Variants in EVA1C observed in about 807,000 individuals in gnomAD.
EVA1C encodes the protein eva-1 homolog C.
A neutral mutation model predicts 45.4 loss-of-function variants in EVA1C; 25 were observed. The ratio of observed to expected loss-of-function variants is 0.55; its 90% CI spans 0.40 to 0.77. The LOEUF (loss-of-function observed/expected upper bound fraction) is 0.77. Ranked by LOEUF, EVA1C falls within the 30% of genes least tolerant of loss-of-function variation. The probability of loss-of-function intolerance (pLI) is 0.00; values close to 1 mark genes in which losing one functional copy is unlikely to be tolerated. For synonymous variants in EVA1C, 190 were observed against 221.2 expected, an observed-to-expected ratio of 0.86 and a Z score of 1.25; for missense variants, 479 against 554.8, an observed-to-expected ratio of 0.86 and a Z score of 1.37.
chr21:32,453,128 C>A, intron 1 of EVA1C, 184 bp from the exon 2 acceptor site: 1 of 511,990 alleles, frequency 2.0e-6, no homozygotes, highest in Admixed American at 3.2e-5. Context: ...CTGACATTGG[C>A]TCCTGTGCCC....
intron 1 of EVA1C, among the ~76,000 whole-genome samples, chr21:32,437,414 T>A (rs1361269631): frequency 1.3e-5 from 2 of 152,046 alleles, no homozygotes; most frequent in African/African-American, 4.8e-5. Flanking sequence ...TCTTCAAGGG[T>A]CTCTCCAGTC....
intron 7 of EVA1C, among the ~76,000 whole-genome samples, chr21:32,509,475 AAGG>A (rs1481674259): frequency 6.6e-6 from 1 of 152,194 alleles, no homozygotes; most frequent in Non-Finnish European, 1.5e-5. Context: ...GAGGGAAAAA[AAGG>A]GAGCTGATTT....
chr21:32,498,947 CG>C (rs2037441547), intron 5 of EVA1C, among the ~76,000 whole-genome samples: 1 of 152,144 alleles, frequency 6.6e-6, no homozygotes, highest in African/African-American at 2.4e-5. Context: ...GTGTTGACAA[CG>C]GTGATTTTAA....
chr21:32,448,936 GAGAA>G (rs1201875266), intron 1 of EVA1C, among the ~76,000 whole-genome samples: 2 of 103,032 alleles, frequency 1.9e-5, no homozygotes, highest in East Asian at 3.1e-4. Flanking sequence ...AAGAAAGAGA[GAGAA>G]AGAGAGAAAG....
chr21:32,466,530 G>T (rs2036182559), intron 3 of EVA1C, among the ~76,000 whole-genome samples: 1 of 150,862 alleles, frequency 6.6e-6, no homozygotes, highest in Non-Finnish European at 1.5e-5. Context: ...AACAGTGCAC[G>T]CATAATGCCA....
intron 3 of EVA1C, among the ~76,000 whole-genome samples, chr21:32,461,568 G>A (rs1366590941): frequency 1.3e-5 from 2 of 152,194 alleles, no homozygotes; most frequent in African/African-American, 4.8e-5. Flanking sequence ...CTGCACTGCT[G>A]CACCCTGTGG....
chr21:32,473,729 G>A (rs768072960), intron 4 of EVA1C, among the ~76,000 whole-genome samples: 16 of 152,172 alleles, frequency 1.1e-4, no homozygotes, highest in Admixed American at 5.9e-4. Context: ...ACAGGGTCTC[G>A]CTCTGTCATC....
In EVA1C at chr21:32,440,008, GTGGGCAGAGT is replaced by G. The variant is rs201688702; in HGVS notation, c.161-13301_161-13292del. ...CTTGATCATCCTACACATCCTCAAA[GTGGGCAGAGT>G]TGAAAGGCTGTCTAAGCGGGTGGGA... On this transcript the variant is annotated intron_variant, in intron 1 of 7. Transcript: ENST00000300255. Among the ~76,000 whole-genome samples, 209 of 152,216 alleles carry G rather than the reference GTGGGCAGAGT, an allele frequency of 1.4e-3. 5 individuals carry two copies. In the East Asian group the frequency reaches 0.037, roughly 27 times the overall value.
intron 4 of EVA1C, among the ~76,000 whole-genome samples, chr21:32,469,637 A>G (rs1381563519): frequency 2.0e-5 from 3 of 152,210 alleles, no homozygotes; most frequent in Non-Finnish European, 2.9e-5. Context: ...GGGGCTGGCA[A>G]GTCTGAAACC....
At chr21:32,508,036 CGTGT>C (rs763221115) in intron 7 of EVA1C, among the ~76,000 whole-genome samples, 3 of 151,838 alleles carry the variant, frequency 2.0e-5, no homozygotes, top group Admixed American at 6.6e-5. Flanking sequence ...TGCACATGTG[CGTGT>C]GTATCTGTGT....
intron 4 of EVA1C, among the ~76,000 whole-genome samples, chr21:32,481,922 C>G (rs1014866462): frequency 1.1e-4 from 17 of 152,236 alleles, no homozygotes; most frequent in Middle Eastern, 3.4e-3. Context: ...GTTTTCACTT[C>G]AAGGGAGCAA....
intron 4 of EVA1C, among the ~76,000 whole-genome samples, chr21:32,478,920 A>G (rs1050382488): frequency 6.6e-6 from 1 of 152,252 alleles, no homozygotes; most frequent in Non-Finnish European, 1.5e-5. Flanking sequence ...GCAGGCCTGG[A>G]CTTTTCAGCC....
intron 4 of EVA1C, among the ~76,000 whole-genome samples, chr21:32,478,210 T>A (rs1020806820): frequency 2.4e-4 from 36 of 151,058 alleles, no homozygotes; most frequent in African/African-American, 8.5e-4. Context: ...AAGAGATAAT[T>A]AAGTTTTATA....
chr21:32,470,078 G>A (rs1259836506), intron 4 of EVA1C, among the ~76,000 whole-genome samples: 6 of 152,134 alleles, frequency 3.9e-5, no homozygotes, highest in South Asian at 2.1e-4. Flanking sequence ...AAGGACCTGC[G>A]CTTATTGATC....
At chr21:32,495,900 T>C (rs945962732) in intron 5 of EVA1C, among the ~76,000 whole-genome samples, 32 of 152,326 alleles carry the variant, frequency 2.1e-4, no homozygotes, top group Middle Eastern at 6.8e-3. Context: ...AGCATTATAA[T>C]TGAAGAACCT....
rs536188725 is a variant in EVA1C, at chr21:32,515,323, A to G, written c.*133A>G. ...TCATTCAACACTCGTGAGGCCAGGA[A>G]GCTATTAAAGGGATGTTTCAAGCTG... On this transcript the variant is annotated 3_prime_UTR_variant, in exon 8 of 8. Coordinates refer to ENST00000300255, the MANE Select transcript of EVA1C (RefSeq NM_058187.5). The G allele has an allele frequency of 1.9e-5, 18 of 940,646 alleles. No individual in the cohort carries two copies. In the South Asian group the frequency reaches 3.0e-4, roughly 16 times the overall value. 58.3% of individuals were successfully genotyped at this position (940,646 alleles called of 1,614,324 possible).
chr21:32,502,051 T>C (rs7283177), intron 6 of EVA1C, among the ~76,000 whole-genome samples: 10 of 131,866 alleles, frequency 7.6e-5, no homozygotes, highest in African/African-American at 2.5e-4. Context: ...TTTCTTTCTT[T>C]CTTCTTTCTT....
chr21:32,414,583 T>C (rs1176801678), intron 1 of EVA1C, among the ~76,000 whole-genome samples: 6 of 152,218 alleles, frequency 3.9e-5, no homozygotes, highest in African/African-American at 1.4e-4. Context: ...TGTAACAGTC[T>C]ATAGATTACC....
chr21:32,479,038 A>G (rs1254365736), intron 4 of EVA1C, among the ~76,000 whole-genome samples: 1 of 152,252 alleles, frequency 6.6e-6, no homozygotes, highest in Non-Finnish European at 1.5e-5. Flanking sequence ...CTTCAGTTTC[A>G]CTGTTAAGTA....
Sources: gnomAD v4.1 joint callset for allele counts (sites outside exome capture counted in the v4.1 genomes callset) on GRCh38, gnomAD v4.1.1 for gene constraint, MANE v1.5 for transcripts, NCBI Gene and HGNC (gene_info 2026-07-23, HGNC 2026-07-21) for gene names.